Variants in PCDHA2 observed in about 807,000 individuals in gnomAD.
PCDHA2 encodes the protein protocadherin alpha-2.
Under a neutral mutation model 66.0 loss-of-function variants are expected in PCDHA2, and 58 were observed. The ratio of observed to expected loss-of-function variants is 0.88; its 90% CI spans 0.71 to 1.09. The LOEUF (loss-of-function observed/expected upper bound fraction) is 1.09. Ranked by LOEUF, PCDHA2 falls within the 50% of genes least tolerant of loss-of-function variation. The pLI is 0.00. For missense variants in PCDHA2, 1,267 were observed against 1,242.3 expected, an observed-to-expected ratio of 1.02 and a Z score of -0.30; for synonymous variants, 634 against 554.0, an observed-to-expected ratio of 1.14 and a Z score of -2.03.
intron 1 of PCDHA2, chr5:140,829,654 G>C: frequency 6.2e-7 from 1 of 1,612,542 alleles, no homozygotes; most frequent in Non-Finnish European, 8.5e-7. Context: ...ACGCGCTGCA[G>C]CCGCTGGACC....
chr5:140,805,123 G>A (rs1554123272), intron 1 of PCDHA2: 1 of 1,584,212 alleles, frequency 6.3e-7, no homozygotes, highest in Admixed American at 1.7e-5. Context: ...AAGACTCTTG[G>A]CAAAGACATT....
intron 1 of PCDHA2, among the ~76,000 whole-genome samples, chr5:140,950,807 A>G (rs2094520743): frequency 6.6e-6 from 1 of 152,104 alleles, no homozygotes; most frequent in African/African-American, 2.4e-5. Context: ...TGGTTTTACC[A>G]TAGTAGGGTT....
chr5:140,876,587 T>C (rs201129017), intron 1 of PCDHA2: 1 of 1,614,208 alleles, frequency 6.2e-7, no homozygotes, highest in African/African-American at 1.3e-5. Context: ...ATTGCCCTGA[T>C]TAGCGTGTCG....
Position 140,884,123 on chromosome 5 carries a change from C to T in PCDHA2, c.2388+86771C>T, listed in dbSNP as rs1360744073. 2.5e-6 allele frequency: 4 copies of T among 1,613,230 alleles called. No homozygotes were observed. The African/African-American group carries it at 4.0e-5, about 16-fold the overall frequency. ...ATTGCAGCTGGCGGCGGTCGGCGCGCGCATCCCGTTCCGCGTGGGGCTGTA... is the reference window on the plus strand; with the variant it reads ...ATTGCAGCTGGCGGCGGTCGGCGCGTGCATCCCGTTCCGCGTGGGGCTGTA... On this transcript the variant is annotated intron_variant, in intron 1 of 3. Coordinates refer to ENST00000526136, the MANE Select transcript of PCDHA2 (RefSeq NM_018905.3).
At chr5:141,000,415 ATATATATTTTTTTT>A (rs2097922429) in intron 3 of PCDHA2, among the ~76,000 whole-genome samples, 2 of 87,398 alleles carry the variant, frequency 2.3e-5, no homozygotes, top group Non-Finnish European at 4.3e-5. Flanking sequence ...ATATATATAT[ATATATATTTTTTTT>A]TTTTTTTTTT....
intron 1 of PCDHA2, chr5:140,858,710 T>C (rs2150436389): frequency 5.6e-6 from 3 of 537,418 alleles, no homozygotes; most frequent in South Asian, 5.1e-5. Flanking sequence ...ATATGTGATA[T>C]AGGTTGCAGT....
intron 3 of PCDHA2, among the ~76,000 whole-genome samples, chr5:140,988,459 G>A (rs1554250155): frequency 6.6e-6 from 1 of 152,152 alleles, no homozygotes; most frequent in Admixed American, 6.5e-5. Context: ...AGGAAGCAAG[G>A]GTGTGGGAAG....
In PCDHA2 at chr5:140,952,330, C is replaced by A. The variant is rs564242872; in HGVS notation, c.2389-26619C>A. On this transcript the variant is annotated intron_variant, in intron 1 of 3. Transcript: ENST00000526136. ...TCCAGCCTGGGCAACAAGAGTGAAACTCCATCTCAAAAAAAAAAAAAAAAG... is the reference window on the plus strand; with the variant it reads ...TCCAGCCTGGGCAACAAGAGTGAAAATCCATCTCAAAAAAAAAAAAAAAAG... Among the ~76,000 whole-genome samples the A allele has an allele frequency of 2.2e-4, 26 of 120,342 alleles. No individual in the cohort carries two copies. The South Asian group carries it at 3.3e-3, about 15-fold the overall frequency. The allele number at this position is 120,342 out of a possible 152,430, so 78.9% of individuals were successfully genotyped here. A position where few individuals can be genotyped will look rare whatever the true frequency, so the allele number is the denominator to read the frequency against.
intron 1 of PCDHA2, chr5:140,869,898 C>T (rs782158709): frequency 6.2e-7 from 1 of 1,610,356 alleles, no homozygotes; most frequent in Non-Finnish European, 8.5e-7. Flanking sequence ...TCAAACTAAA[C>T]GCCACAGACC....
chr5:140,969,921 G>A (rs1417032241), intron 1 of PCDHA2, among the ~76,000 whole-genome samples: 2 of 152,198 alleles, frequency 1.3e-5, no homozygotes, highest in African/African-American at 2.4e-5. Flanking sequence ...TAAAGCTGTA[G>A]TATTTAGACA....
intron 1 of PCDHA2, chr5:140,808,887 C>A (rs782248203): frequency 6.2e-7 from 1 of 1,613,290 alleles, no homozygotes; most frequent in South Asian, 1.1e-5. Flanking sequence ...GCACTGCTAG[C>A]GCCTCGGGCG....
chr5:140,808,161 A>C (rs1554124432), intron 1 of PCDHA2: 2 of 1,614,222 alleles, frequency 1.2e-6, no homozygotes, highest in Non-Finnish European at 1.7e-6. Context: ...GGCATTGATA[A>C]GGGACAGCTC....
chr5:140,993,256 A>C lies in PCDHA2; in HGVS notation c.2536+10693A>C, dbSNP rs1419636248. Among the ~76,000 whole-genome samples, 3 of 152,148 alleles carry C rather than the reference A, an allele frequency of 2.0e-5. No homozygotes were observed. In the East Asian group the frequency reaches 5.8e-4, roughly 29 times the overall value. On this transcript the variant is annotated intron_variant, in intron 3 of 3. Coordinates refer to ENST00000526136, the MANE Select transcript of PCDHA2 (RefSeq NM_018905.3). The stretch of plus-strand genomic sequence containing the variant: ...CTGAATCTGGGGATTTAGATATATA[A>C]ATTAGCTTCTTTGGTCTTTTCTTGC...
chr5:140,982,779 G>A (rs1228586175), intron 3 of PCDHA2, among the ~76,000 whole-genome samples: 2 of 151,918 alleles, frequency 1.3e-5, no homozygotes, highest in African/African-American at 2.4e-5. Context: ...GAAAGTGTGT[G>A]TGCACGCATG....
chr5:140,884,684 T>C (rs2060315542), intron 1 of PCDHA2: 1 of 1,543,214 alleles, frequency 6.5e-7, no homozygotes. Flanking sequence ...TTTTAAAAAA[T>C]TGTCTTAGTA....
At chr5:140,830,114 G>A (rs2150181303) in intron 1 of PCDHA2, 1 of 1,613,542 alleles carries the variant, frequency 6.2e-7, no homozygotes, top group South Asian at 1.1e-5. Context: ...GAGTGGCCAG[G>A]CTCCAAAGGC....
At chr5:140,967,535 T>C in intron 1 of PCDHA2, 3 of 1,613,746 alleles carry the variant, frequency 1.9e-6, no homozygotes, top group Non-Finnish European at 2.5e-6. Context: ...CTCTCCTGCC[T>C]TTGACCAGTC....
chr5:140,805,858 T>C (rs1469132230), intron 1 of PCDHA2, among the ~76,000 whole-genome samples: 1 of 152,160 alleles, frequency 6.6e-6, no homozygotes, highest in East Asian at 1.9e-4. Flanking sequence ...TCACCTTAAA[T>C]TAATGCATTT....
chr5:140,892,408 G>C (rs1323060042), intron 1 of PCDHA2, among the ~76,000 whole-genome samples: 1 of 152,054 alleles, frequency 6.6e-6, no homozygotes, highest in Non-Finnish European at 1.5e-5. Context: ...TCAAGCTTCA[G>C]GTATTCTAGA....
Sources: gnomAD v4.1 joint callset for allele counts (sites outside exome capture counted in the v4.1 genomes callset) on GRCh38, gnomAD v4.1.1 for gene constraint, MANE v1.5 for transcripts, NCBI Gene and HGNC (gene_info 2026-07-23, HGNC 2026-07-21) for gene names.